Variants in CNTLN observed in about 807,000 individuals in gnomAD.
The protein encoded by CNTLN is centlein, centrosomal protein.
CNTLN carries 212 observed loss-of-function variants against 180.0 expected under a neutral mutation model. That is an observed-to-expected ratio of 1.18 (90% CI 1.05 to 1.32). The LOEUF is 1.32. CNTLN is among the 40% of genes most tolerant of loss of function. CNTLN has a pLI of 0.00. For missense variants in CNTLN, 2,095 were observed against 1,610.9 expected (o/e 1.30, Z -5.14); for synonymous variants, 722 against 563.1 (o/e 1.28, Z -3.99).
intron 8 of CNTLN, among the ~76,000 whole-genome samples, chr9:17,324,668 G>A (rs1003664667): frequency 3.9e-5 from 6 of 152,074 alleles, no homozygotes; most frequent in Non-Finnish European, 5.9e-5. Context: ...GTCATCTACT[G>A]GATATAAGTA....
chr9:17,408,128 CAA>C (rs34374959), intron 15 of CNTLN, among the ~76,000 whole-genome samples: 4 of 59,070 alleles, frequency 6.8e-5, no homozygotes, highest in Non-Finnish European at 1.1e-4. Flanking sequence ...GACTCTGTCT[CAA>C]AAAAAAAAAA....
chr9:17,385,746 A>C (rs749425459), intron 13 of CNTLN, among the ~76,000 whole-genome samples: 1 of 152,206 alleles, frequency 6.6e-6, no homozygotes, highest in African/African-American at 2.4e-5. Flanking sequence ...CAATATTTAC[A>C]TAGCATTTAC....
chr9:17,341,191 C>T (rs961571911), intron 11 of CNTLN, among the ~76,000 whole-genome samples: 2 of 152,112 alleles, frequency 1.3e-5, no homozygotes, highest in South Asian at 4.1e-4. Context: ...TTATTGTACA[C>T]ATTTTTAATA....
intron 5 of CNTLN, among the ~76,000 whole-genome samples, chr9:17,258,852 T>C (rs1249264225): frequency 6.2e-5 from 9 of 145,336 alleles, no homozygotes; most frequent in East Asian, 2.0e-4. Flanking sequence ...TGAAGTTGCT[T>C]ATCAGCTTAA....
the CNTLN span, among the ~76,000 whole-genome samples, chr9:17,521,554 A>C: frequency 6.6e-6 from 1 of 152,164 alleles, no homozygotes; most frequent in Non-Finnish European, 1.5e-5. Flanking sequence ...AGCCATTTTT[A>C]CATAGAGAAA....
At chr9:17,321,336 A>G (rs1352712484) in intron 8 of CNTLN, among the ~76,000 whole-genome samples, 2 of 152,152 alleles carry the variant, frequency 1.3e-5, no homozygotes, top group Non-Finnish European at 2.9e-5. Context: ...CTGCATTAGC[A>G]GATGTTAAAC....
intron 10 of CNTLN, among the ~76,000 whole-genome samples, chr9:17,336,634 A>G (rs564232785): frequency 2.4e-4 from 37 of 152,352 alleles, no homozygotes; most frequent in Non-Finnish European, 1.3e-4. Context: ...TATAAGACTT[A>G]TGTAAACACT....
intron 2 of CNTLN, among the ~76,000 whole-genome samples, chr9:17,146,938 C>T (rs1389938993): frequency 1.3e-5 from 2 of 150,904 alleles, no homozygotes; most frequent in Non-Finnish European, 3.0e-5. Flanking sequence ...GTTTGTTCTT[C>T]CTAGTCTTTC....
chr9:17,401,192 G>C (rs1826945847), intron 15 of CNTLN, among the ~76,000 whole-genome samples: 1 of 152,124 alleles, frequency 6.6e-6, no homozygotes, highest in Non-Finnish European at 1.5e-5. Flanking sequence ...TCTTGACACA[G>C]TATCTTAGGA....
intron 12 of CNTLN, among the ~76,000 whole-genome samples, chr9:17,364,212 C>G (rs1457968689): frequency 2.0e-5 from 3 of 152,124 alleles, no homozygotes; most frequent in Admixed American, 1.3e-4. Flanking sequence ...CATCTGTACT[C>G]CTGCCTTCAG....
intron 25 of CNTLN, among the ~76,000 whole-genome samples, chr9:17,501,435 A>G (rs1833749794): frequency 6.6e-6 from 1 of 152,192 alleles, no homozygotes; most frequent in African/African-American, 2.4e-5. Flanking sequence ...TAGTTCTACT[A>G]CCACAGCTAG....
At chr9:17,153,433 A>G (rs1403738961) in intron 2 of CNTLN, among the ~76,000 whole-genome samples, 1 of 152,202 alleles carries the variant, frequency 6.6e-6, no homozygotes, top group Admixed American at 6.5e-5. Flanking sequence ...TTGGATGGAT[A>G]TGAAATTCTG....
At chr9:17,216,432 G>T (rs1235483013) in intron 2 of CNTLN, among the ~76,000 whole-genome samples, 1 of 152,088 alleles carries the variant, frequency 6.6e-6, no homozygotes, top group Non-Finnish European at 1.5e-5. Flanking sequence ...TGGAAAATTA[G>T]AATGGTAAAA....
intron 14 of CNTLN, among the ~76,000 whole-genome samples, chr9:17,390,917 T>A (rs1459031906): frequency 6.6e-6 from 1 of 152,162 alleles, no homozygotes; most frequent in Non-Finnish European, 1.5e-5. Context: ...CATCTTCAGT[T>A]GGTATGTATA....
chr9:17,355,218 G>A (rs531484446), intron 12 of CNTLN, among the ~76,000 whole-genome samples: 27 of 152,188 alleles, frequency 1.8e-4, no homozygotes, highest in African/African-American at 6.3e-4. Flanking sequence ...ACGGGGTTTC[G>A]CCATGTTGCC....
intron 7 of CNTLN, among the ~76,000 whole-genome samples, chr9:17,304,610 C>A (rs143567100): frequency 0.016 from 2,368 of 152,148 alleles, 64 homozygotes; most frequent in African/African-American, 0.055. Context: ...TTTATTGTTT[C>A]AGTCAGTGTT....
chr9:17,457,647 C>A lies in CNTLN; in HGVS notation c.3238C>A (p.Gln1080Lys). ...TTCCCAGGTAACATTTCCACGGATA[C>A]AAGTTACATCACTTAGTCCTTCAAG... Reference protein sequence around the residue: ...ENSQVTFPRIQVTSLSPSRSM... With the variant: ...ENSQVTFPRIKVTSLSPSRSM... Residue 1080 changes from glutamine (Q) to lysine (K), a missense_variant, in exon 19 of 26, where the codon CAA becomes AAA. Transcript: ENST00000380647. 6.5e-7 allele frequency: 1 copy of A among 1,545,576 alleles called. No homozygotes were observed. The highest frequency in any genetic ancestry group is 1.4e-5 in the African/African-American group (1 of 71,736).
intron 2 of CNTLN, among the ~76,000 whole-genome samples, chr9:17,157,132 C>T (rs1322673310): frequency 1.3e-5 from 2 of 152,178 alleles, no homozygotes; most frequent in African/African-American, 4.8e-5. Context: ...TAGTGTTGTT[C>T]ATTGAGCAAC....
At chr9:17,304,636 A>G (rs529296025) in intron 7 of CNTLN, among the ~76,000 whole-genome samples, 11 of 152,148 alleles carry the variant, frequency 7.2e-5, no homozygotes, top group Non-Finnish European at 1.5e-4. Context: ...TACAGTTGGC[A>G]CTCTGTATCC....
Sources: gnomAD v4.1 joint callset for allele counts (sites outside exome capture counted in the v4.1 genomes callset) on GRCh38, gnomAD v4.1.1 for gene constraint, MANE v1.5 for transcripts, NCBI Gene and HGNC (gene_info 2026-07-23, HGNC 2026-07-21) for gene names.